Variants in RIN2 observed in about 807,000 individuals in gnomAD.
RIN2 encodes RAB5 interacting protein 2.
In RIN2, 36 loss-of-function variants were observed where a neutral mutation model predicts 78.0. The ratio of observed to expected loss-of-function variants is 0.46; its 90% confidence interval spans 0.35 to 0.61. The LOEUF (loss-of-function observed/expected upper bound fraction) is 0.61, where lower values mean the gene tolerates loss of function less well. Ranked by LOEUF, RIN2 falls within the 20% of genes least tolerant of loss-of-function variation. The pLI, the probability that RIN2 is intolerant of heterozygous loss-of-function variation, is 0.00. For synonymous variants in RIN2, 466 were observed against 466.8 expected (o/e 1.00, Z 0.02); for missense variants, 1,087 against 1,159.7 (o/e 0.94, Z 0.91).
chr20:19,798,882 T>C (rs915698118), intron 1 of RIN2, among the ~76,000 whole-genome samples: 2 of 151,758 alleles, frequency 1.3e-5, no homozygotes, highest in Non-Finnish European at 2.9e-5. Context: ...CAGTTAAAAA[T>C]GAAATATAGG....
chr20:19,968,204 AG>A (rs954943250), intron 7 of RIN2, among the ~76,000 whole-genome samples: 18 of 152,162 alleles, frequency 1.2e-4, no homozygotes, highest in African/African-American at 4.3e-4. Context: ...GGGCTGTTCC[AG>A]GCCCCACACG....
At chr20:19,792,575 C>T (rs994783089) in intron 1 of RIN2, among the ~76,000 whole-genome samples, 18 of 152,038 alleles carry the variant, frequency 1.2e-4, no homozygotes, top group African/African-American at 4.4e-4. Flanking sequence ...GAGGACTTAG[C>T]GCACACATGG....
rs145706579 is a variant in RIN2, at chr20:19,903,692, A to G, written c.57+14034A>G. Among the ~76,000 whole-genome samples, 234 of 152,332 alleles carry G rather than the reference A, an allele frequency of 1.5e-3. 1 individual carries two copies. The highest frequency in any genetic ancestry group is 5.1e-3 in the African/African-American group (211 of 41,594). The stretch of plus-strand genomic sequence containing the variant: ...CAGCCCCCACGACAAAGAATTATCT[A>G]GCCCCAAATTCTAACAATGCTGATG... On this transcript the variant is annotated intron_variant, in intron 3 of 12. Coordinates refer to ENST00000255006, the MANE Select transcript of RIN2 (RefSeq NM_018993.4).
At position 19,920,988 on chromosome 20, in the gene RIN2, G is replaced by GTTGT. The variant is rs34625955; in HGVS notation, c.58-14088_58-14085dup. 5.0e-3 allele frequency among the ~76,000 whole-genome samples: 752 copies of GTTGT among 151,598 alleles called. 6 individuals are homozygous for GTTGT. The highest frequency in any genetic ancestry group is 0.017 in the African/African-American group (714 of 41,302). On this transcript the variant is annotated intron_variant, in intron 3 of 12. Transcript: ENST00000255006. Reference sequence around the variant, plus strand: ...ATGCCCAGCCGAAACAGTTTTTTGGGTTGTTTGTTTGTTTGTTTGTTTGTT... The same window carrying GTTGT: ...ATGCCCAGCCGAAACAGTTTTTTGGGTTGTTTGTTTGTTTGTTTGTTTGTTTGTT...
At chr20:19,888,971 C>A (rs966530068) in intron 2 of RIN2, among the ~76,000 whole-genome samples, 1 of 152,240 alleles carries the variant, frequency 6.6e-6, no homozygotes, top group African/African-American at 2.4e-5. Context: ...TGTGGATGAT[C>A]GTGAAGCTGT....
chr20:19,847,257 G>A (rs944285464), intron 2 of RIN2, among the ~76,000 whole-genome samples: 1 of 152,060 alleles, frequency 6.6e-6, no homozygotes, highest in African/African-American at 2.4e-5. Context: ...TTTTCCCTTA[G>A]TGAAAGTCCA....
At chr20:19,936,798 T>A (rs6112665) in intron 4 of RIN2, among the ~76,000 whole-genome samples, 2 of 152,216 alleles carry the variant, frequency 1.3e-5, no homozygotes, top group Non-Finnish European at 2.9e-5. Context: ...TTTTCCCAGA[T>A]GAATGTCACT....
intron 3 of RIN2, among the ~76,000 whole-genome samples, chr20:19,905,406 A>G (rs929630817): frequency 6.6e-6 from 1 of 152,292 alleles, no homozygotes; most frequent in Admixed American, 6.5e-5. Context: ...CTCAGGCCAC[A>G]TCCAGCTGGC....
chr20:19,957,803 G>A (rs1390680925), intron 5 of RIN2, among the ~76,000 whole-genome samples: 2 of 152,118 alleles, frequency 1.3e-5, no homozygotes, highest in African/African-American at 2.4e-5. Context: ...CTCAGTTACC[G>A]TAGCCACATT....
chr20:20,002,051 A>C lies in RIN2; in HGVS notation c.*1115A>C, dbSNP rs1435969173. ...ACAGCATCAAATTATTGGGACCAGA[A>C]ACCAAGTAATGTATAATGTGGCTTT... On this transcript the variant is annotated 3_prime_UTR_variant, in exon 13 of 13. Transcript: ENST00000255006. 1 of 152,452 alleles carries C rather than the reference A, an allele frequency of 6.6e-6. No individual in the cohort carries two copies. The highest frequency in any genetic ancestry group is 1.5e-5 in the Non-Finnish European group (1 of 68,040). 9.4% of individuals were successfully genotyped at this position (152,452 alleles called of 1,614,324 possible).
intron 12 of RIN2, 142 bp from the exon 13 acceptor site, chr20:20,000,471 G>T (rs903801750): frequency 1.6e-6 from 1 of 642,462 alleles, no homozygotes; most frequent in African/African-American, 1.8e-5. Context: ...CTTGCCATTC[G>T]AAGCCTCGTG....
intron 4 of RIN2, among the ~76,000 whole-genome samples, chr20:19,954,700 G>C (rs2041463373): frequency 1.8e-5 from 1 of 56,468 alleles, no homozygotes; most frequent in Admixed American, 1.8e-4. Flanking sequence ...ACTGCCCTGT[G>C]CCCCTCACCC....
intron 8 of RIN2, among the ~76,000 whole-genome samples, chr20:19,974,099 C>T (rs536925725): frequency 6.6e-6 from 1 of 152,280 alleles, no homozygotes; most frequent in African/African-American, 2.4e-5. Context: ...TAGTTTTCCT[C>T]CTTTGGTGGT....
chr20:19,778,316 G>A (rs1485861475), intron 1 of RIN2, among the ~76,000 whole-genome samples: 3 of 152,198 alleles, frequency 2.0e-5, no homozygotes, highest in Non-Finnish European at 4.4e-5. Flanking sequence ...TTTTACAGAA[G>A]GAGACACTAA....
chr20:19,769,917 AATT>A (rs1415260132), intron 1 of RIN2, among the ~76,000 whole-genome samples: 3 of 152,368 alleles, frequency 2.0e-5, no homozygotes, highest in Non-Finnish European at 2.9e-5. Context: ...CAATAAAAAT[AATT>A]ATTGTAAGAG....
intron 4 of RIN2, among the ~76,000 whole-genome samples, chr20:19,949,640 T>A (rs6112674): frequency 0.032 from 4,885 of 152,324 alleles, 125 homozygotes; most frequent in Non-Finnish European, 0.044. Flanking sequence ...TTGTCTCTCA[T>A]TTGCAAGGTC....
chr20:19,770,644 C>A (rs535757214), intron 1 of RIN2, among the ~76,000 whole-genome samples: 1 of 152,312 alleles, frequency 6.6e-6, no homozygotes, highest in South Asian at 2.1e-4. Flanking sequence ...CCCTCTTCCA[C>A]CTCCTGCTGC....
chr20:19,761,759 G>T (rs755275707), intron 1 of RIN2, among the ~76,000 whole-genome samples: 3 of 152,154 alleles, frequency 2.0e-5, no homozygotes, highest in Non-Finnish European at 4.4e-5. Context: ...TAGCTTCCAT[G>T]CATCCGATTA....
upstream of RIN2, chr20:19,757,954 TGGTTGTCAAGAGGGGCGGAGGCTGGC>T (rs1206045179): frequency 1.3e-5 from 2 of 152,228 alleles, no homozygotes; most frequent in African/African-American, 4.8e-5. Context: ...GCGTAGCGGG[TGGTTGTCAAGAGGGGCGGAGGCTGGC>T]GGTTACAGGG....
Sources: gnomAD v4.1 joint callset for allele counts (sites outside exome capture counted in the v4.1 genomes callset) on GRCh38, gnomAD v4.1.1 for gene constraint, MANE v1.5 for transcripts, NCBI Gene and HGNC (gene_info 2026-07-23, HGNC 2026-07-21) for gene names.